The following MDGA2 variants were observed in gnomAD, a reference collection of about 807,000 sequenced individuals.
The protein encoded by MDGA2 is MAM domain containing glycosylphosphatidylinositol anchor 2.
Under a neutral mutation model 117.8 loss-of-function variants are expected in MDGA2, and 40 were observed. The observed-to-expected ratio is 0.34, with a 90% CI of 0.26 to 0.44. The LOEUF (loss-of-function observed/expected upper bound fraction) is 0.44, where lower values mean the gene tolerates loss of function less well. Ranked by LOEUF, MDGA2 falls within the 20% of genes least tolerant of loss-of-function variation. The pLI, the probability that MDGA2 is intolerant of heterozygous loss-of-function variation, is 1.00. For synonymous variants in MDGA2, 452 were observed against 439.0 expected (o/e 1.03, Z -0.37); for missense variants, 1,123 against 1,250.6 (o/e 0.90, Z 1.54).
chr14:47,473,180 G>C lies in MDGA2; in HGVS notation c.281-171630C>G, dbSNP rs567512771. Among the ~76,000 whole-genome samples the C allele has an allele frequency of 2.6e-5, 4 of 152,280 alleles. No homozygotes were observed. The East Asian group carries it at 7.7e-4, about 29-fold the overall frequency. ...TAGGAAGAGTCACCAATCAGAGCAA[G>C]TGTGAGGTCACAGGGGCACAGACCC... is the stretch of plus-strand genomic sequence containing the variant. On this transcript the variant is annotated intron_variant, in intron 1 of 16. Transcript: ENST00000399232.
intron 2 of MDGA2, 108 bp downstream of exon 2, chr14:47,301,294 CCCACACACA>C (rs759893002): frequency 0.11 from 115,420 of 1,017,786 alleles, 4,760 homozygotes; most frequent in Non-Finnish European, 0.12. Flanking sequence ...CCCACACCCA[CCCACACACA>C]CACACACACA....
Position 47,172,998 on chromosome 14 carries a change from G to A in MDGA2, c.596-28724C>T, listed in dbSNP as rs988501623. Among the ~76,000 whole-genome samples, 11 of 152,314 alleles carry A rather than the reference G, an allele frequency of 7.2e-5. 1 individual carries two copies. The highest frequency in any genetic ancestry group is 1.2e-4 in the Non-Finnish European group (8 of 68,038). ...AGCCAAGGCTCGAGAACTATGTGAA[G>A]AATGCAGAAGCCCCAGGAGCCGATG... On this transcript the variant is annotated intron_variant, in intron 3 of 16. Coordinates refer to ENST00000399232, the MANE Select transcript of MDGA2 (RefSeq NM_001113498.3).
chr14:47,671,810 A>G (rs1026846559), intron 1 of MDGA2, among the ~76,000 whole-genome samples: 1 of 152,186 alleles, frequency 6.6e-6, no homozygotes, highest in African/African-American at 2.4e-5. Flanking sequence ...TCTTATGTCT[A>G]TGTCCTTTAC....
chr14:47,245,304 A>G (rs1887201598), intron 2 of MDGA2, among the ~76,000 whole-genome samples: 2 of 151,864 alleles, frequency 1.3e-5, no homozygotes, highest in Non-Finnish European at 2.9e-5. Context: ...TCTTCATAAC[A>G]GTTTCTTTTC....
intron 8 of MDGA2, among the ~76,000 whole-genome samples, chr14:46,973,156 G>C (rs573832315): frequency 5.3e-5 from 8 of 152,222 alleles, no homozygotes; most frequent in African/African-American, 1.9e-4. Flanking sequence ...ATTTTCATTC[G>C]TTGCTGGTGG....
intron 2 of MDGA2, among the ~76,000 whole-genome samples, chr14:47,262,626 A>C (rs1246374640): frequency 1.3e-5 from 2 of 152,154 alleles, no homozygotes; most frequent in Non-Finnish European, 2.9e-5. Context: ...TGAAGAATAG[A>C]AGTTCAATAG....
At chr14:47,499,592 T>G (rs867731390) in intron 1 of MDGA2, among the ~76,000 whole-genome samples, 7 of 152,298 alleles carry the variant, frequency 4.6e-5, no homozygotes, top group African/African-American at 9.6e-5. Context: ...GCAGTTGTCC[T>G]ATAGCTCCCT....
chr14:47,505,808 G>A (rs765551587), intron 1 of MDGA2, among the ~76,000 whole-genome samples: 3 of 152,096 alleles, frequency 2.0e-5, no homozygotes, highest in East Asian at 1.9e-4. Context: ...TCATGTGTTC[G>A]GCATATATCC....
At chr14:47,652,369 T>A (rs1227207356) in intron 1 of MDGA2, among the ~76,000 whole-genome samples, 1 of 152,154 alleles carries the variant, frequency 6.6e-6, no homozygotes, top group African/African-American at 2.4e-5. Context: ...TATAAATTAT[T>A]CACAGAGAAA....
intron 10 of MDGA2, among the ~76,000 whole-genome samples, chr14:46,894,177 T>A (rs916133414): frequency 2.6e-5 from 4 of 152,110 alleles, no homozygotes; most frequent in Non-Finnish European, 5.9e-5. Flanking sequence ...TCGAGGTTAG[T>A]ATTATTATCT....
chr14:46,977,520 A>C (rs914853729), intron 8 of MDGA2, among the ~76,000 whole-genome samples: 2 of 151,952 alleles, frequency 1.3e-5, no homozygotes, highest in African/African-American at 4.8e-5. Context: ...TGAAATGGTC[A>C]TTTGATAATA....
At chr14:47,215,657 G>A (rs573534968) in intron 3 of MDGA2, among the ~76,000 whole-genome samples, 12 of 152,168 alleles carry the variant, frequency 7.9e-5, no homozygotes, top group African/African-American at 2.6e-4. Context: ...GTTTACATCC[G>A]CATAGTAGAA....
intron 1 of MDGA2, among the ~76,000 whole-genome samples, chr14:47,330,219 T>C (rs1890255007): frequency 6.6e-6 from 1 of 151,948 alleles, no homozygotes; most frequent in Admixed American, 6.6e-5. Context: ...AGGTATTTTG[T>C]ATGTCAATTT....
At chr14:46,965,959 G>A (rs1265175862) in intron 8 of MDGA2, among the ~76,000 whole-genome samples, 1 of 151,450 alleles carries the variant, frequency 6.6e-6, no homozygotes, top group African/African-American at 2.4e-5. Flanking sequence ...AGGTGCCTGT[G>A]TTTTGTTCAA....
rs111341285 is a variant in MDGA2, at chr14:47,400,702, A to C, written c.281-99152T>G. On this transcript the variant is annotated intron_variant, in intron 1 of 16. Coordinates refer to ENST00000399232, the MANE Select transcript of MDGA2 (RefSeq NM_001113498.3). ...CTCCGTCTCGAAACAAACAAACAAA[A>C]AAAAAACCCTTAGTGGTAAGGCTTT... Among the ~76,000 whole-genome samples, 637 of 150,740 alleles carry C rather than the reference A, an allele frequency of 4.2e-3. 8 individuals carry two copies. The highest frequency in any genetic ancestry group is 0.024 in the East Asian group (119 of 5,056).
intron 1 of MDGA2, among the ~76,000 whole-genome samples, chr14:47,324,836 C>CAG (rs918649667): frequency 4.6e-4 from 68 of 149,382 alleles, no homozygotes; most frequent in African/African-American, 1.2e-3. Flanking sequence ...ATTGTATACA[C>CAG]AGAGAGAGAG....
intron 1 of MDGA2, among the ~76,000 whole-genome samples, chr14:47,575,903 T>G (rs1379705126): frequency 6.6e-6 from 1 of 152,222 alleles, no homozygotes; most frequent in Non-Finnish European, 1.5e-5. Flanking sequence ...TCAATTTATA[T>G]TTAGCACACA....
chr14:47,220,836 G>A (rs979741669), intron 2 of MDGA2, among the ~76,000 whole-genome samples: 1 of 152,114 alleles, frequency 6.6e-6, no homozygotes, highest in African/African-American at 2.4e-5. Flanking sequence ...GTGAGGGAAA[G>A]GGCTATCTCC....
intron 1 of MDGA2, among the ~76,000 whole-genome samples, chr14:47,538,343 T>C (rs1895266345): frequency 6.6e-6 from 1 of 152,190 alleles, no homozygotes; most frequent in Non-Finnish European, 1.5e-5. Flanking sequence ...ATCTGGTCAG[T>C]GCATAATTTC....
Sources: allele counts gnomAD v4.1 joint callset (sites outside exome capture counted in the v4.1 genomes callset), GRCh38; gene constraint gnomAD v4.1.1; transcripts MANE v1.5; gene names NCBI Gene and HGNC (gene_info 2026-07-23, HGNC 2026-07-21).